The following SEZ6L variants were observed in gnomAD, a reference collection of about 807,000 sequenced individuals.
SEZ6L encodes seizure related 6 homolog like.
Under a neutral mutation model 106.2 loss-of-function variants are expected in SEZ6L, and 37 were observed. That is an observed-to-expected ratio of 0.35 (90% CI 0.27 to 0.46). SEZ6L has a LOEUF of 0.46. SEZ6L is among the 20% of genes least tolerant of loss of function. The pLI is 1.00. For missense variants in SEZ6L, 1,172 were observed against 1,332.8 expected (o/e 0.88, Z 1.88); for synonymous variants, 541 against 570.4 (o/e 0.95, Z 0.73).
chr22:26,201,656 A>C (rs563932921), intron 1 of SEZ6L, among the ~76,000 whole-genome samples: 1 of 152,288 alleles, frequency 6.6e-6, no homozygotes, highest in Admixed American at 6.5e-5. Flanking sequence ...ATGACTACTT[A>C]TATTTAAAGC....
intron 1 of SEZ6L, among the ~76,000 whole-genome samples, chr22:26,288,191 A>C (rs1210340484): frequency 6.6e-6 from 1 of 152,204 alleles, no homozygotes; most frequent in African/African-American, 2.4e-5. Flanking sequence ...ACAAACCCAC[A>C]CTTTGTTTTC....
At chr22:26,315,169 CT>C (rs2081962159) in intron 9 of SEZ6L, among the ~76,000 whole-genome samples, 1 of 152,198 alleles carries the variant, frequency 6.6e-6, no homozygotes, top group Admixed American at 6.5e-5. Context: ...GCTTTTGAGG[CT>C]GTTCCTTAGA....
At chr22:26,288,548 G>T (rs116185203) in intron 1 of SEZ6L, among the ~76,000 whole-genome samples, 2,217 of 152,274 alleles carry the variant, frequency 0.015, 64 homozygotes, top group African/African-American at 0.051. Flanking sequence ...GATCTTTGGG[G>T]TCATAAAAAC....
rs971381336 is a variant in SEZ6L at position 26,381,949 on chromosome 22, G to A, written c.*1654G>A. 3.9e-5 allele frequency: 20 copies of A among 507,792 alleles called. No homozygotes were observed. Among genetic ancestry groups the A allele is most frequent in the African/African-American group, 3.7e-4 (19 of 51,388 alleles). The allele number at this position is 507,792 out of a possible 1,614,324, so 31.5% of individuals were successfully genotyped here. On this transcript the variant is annotated 3_prime_UTR_variant, in exon 17 of 17. Coordinates refer to ENST00000248933, the MANE Select transcript of SEZ6L (RefSeq NM_021115.5). ...ATAGGGAGAATAGCAGGGAGTCTAT[G>A]TTTTGGTGGTTACATTGGAAACATC...
At position 26,256,125 on chromosome 22, in the gene SEZ6L, A is replaced by T. The variant is rs148457921; in HGVS notation, c.95-36281A>T. Among the ~76,000 whole-genome samples, 5 of 152,340 alleles carry T rather than the reference A, an allele frequency of 3.3e-5. No homozygotes were observed. In the East Asian group the frequency reaches 9.7e-4, roughly 29 times the overall value. ...CAAAAGGAGAAATAAATAAGCAAAG[A>T]TAAAAATGGGAAGGAGCATGAGCAA... On this transcript the variant is annotated intron_variant, in intron 1 of 16. Coordinates refer to ENST00000248933, the MANE Select transcript of SEZ6L (RefSeq NM_021115.5).
intron 1 of SEZ6L, among the ~76,000 whole-genome samples, chr22:26,218,871 G>T (rs2078374039): frequency 6.6e-6 from 1 of 152,118 alleles, no homozygotes; most frequent in Non-Finnish European, 1.5e-5. Flanking sequence ...CCAGGAGGTG[G>T]AGGTTGCAGT....
Position 26,169,501 on chromosome 22 carries a change from C to T in SEZ6L, c.-169C>T, listed in dbSNP as rs1938414371. Reference sequence around the variant, plus strand: ...GCCCGGCGCAGCTCGGCCAGAGCGACCGCGGGGCTGAGCGCGCGTCCGCCC... The same window carrying T: ...GCCCGGCGCAGCTCGGCCAGAGCGATCGCGGGGCTGAGCGCGCGTCCGCCC... On this transcript the variant is annotated 5_prime_UTR_variant, in exon 1 of 17. Coordinates refer to ENST00000248933, the MANE Select transcript of SEZ6L (RefSeq NM_021115.5). 5.6e-6 allele frequency: 2 copies of T among 356,090 alleles called. No individual in the cohort carries two copies. The highest frequency in any genetic ancestry group is 1.0e-5 in the Non-Finnish European group (2 of 199,370). 22.1% of individuals were successfully genotyped at this position (356,090 alleles called of 1,614,324 possible).
intron 12 of SEZ6L, among the ~76,000 whole-genome samples, chr22:26,355,482 C>G (rs2083410843): frequency 6.6e-6 from 1 of 152,198 alleles, no homozygotes; most frequent in Admixed American, 6.5e-5. Flanking sequence ...AATCCCAACA[C>G]TTGTGGGAGG....
chr22:26,197,962 C>G (rs1940686331), intron 1 of SEZ6L, among the ~76,000 whole-genome samples: 3 of 152,222 alleles, frequency 2.0e-5, no homozygotes, highest in South Asian at 4.1e-4. Context: ...GGTCGTCTCT[C>G]TCTGTGGATT....
chr22:26,221,180 G>A (rs1425678384), intron 1 of SEZ6L, among the ~76,000 whole-genome samples: 3 of 151,972 alleles, frequency 2.0e-5, no homozygotes, highest in African/African-American at 7.3e-5. Flanking sequence ...TTACCCCCTG[G>A]CCTTATTCAC....
intron 1 of SEZ6L, among the ~76,000 whole-genome samples, chr22:26,227,464 G>A (rs1243191344): frequency 6.6e-6 from 1 of 152,214 alleles, no homozygotes; most frequent in Admixed American, 6.5e-5. Context: ...CTGGAGGGCA[G>A]TGGTGTGATC....
chr22:26,291,832 C>T lies in SEZ6L; in HGVS notation c.95-574C>T, dbSNP rs182260077. ...ACAAGCTTTTCTCTTTCCAAGCATT[C>T]ATCATATCAAATATGATTGTGTCTA... On this transcript the variant is annotated intron_variant, in intron 1 of 16. Transcript: ENST00000248933. Among the ~76,000 whole-genome samples, 27 of 152,314 alleles carry T rather than the reference C, an allele frequency of 1.8e-4. 1 individual carries two copies. Among genetic ancestry groups the T allele is most frequent in the African/African-American group, 6.5e-4 (27 of 41,566 alleles).
At chr22:26,240,251 T>A (rs1332835157) in intron 1 of SEZ6L, among the ~76,000 whole-genome samples, 2 of 152,068 alleles carry the variant, frequency 1.3e-5, no homozygotes, top group East Asian at 3.9e-4. Context: ...TGACTTTTTT[T>A]CAAAGGCTCA....
intron 1 of SEZ6L, among the ~76,000 whole-genome samples, chr22:26,206,151 A>T (rs1282572540): frequency 6.6e-6 from 1 of 152,252 alleles, no homozygotes; most frequent in Non-Finnish European, 1.5e-5. Context: ...CACTCTAGGC[A>T]ATGCTTCACT....
chr22:26,307,963 A>C (rs1264887890), intron 6 of SEZ6L, among the ~76,000 whole-genome samples: 1 of 152,210 alleles, frequency 6.6e-6, no homozygotes, highest in Non-Finnish European at 1.5e-5. Context: ...ATGAGCTGAC[A>C]CTTACCAGGA....
At chr22:26,199,032 C>T (rs1235538824) in intron 1 of SEZ6L, among the ~76,000 whole-genome samples, 1 of 152,170 alleles carries the variant, frequency 6.6e-6, no homozygotes, top group Non-Finnish European at 1.5e-5. Context: ...ATGACACATA[C>T]AGCTTACTAA....
intron 1 of SEZ6L, among the ~76,000 whole-genome samples, chr22:26,185,535 C>T (rs1939712768): frequency 1.3e-5 from 2 of 152,142 alleles, no homozygotes; most frequent in South Asian, 4.1e-4. Flanking sequence ...CAGCTATACC[C>T]CTGCCTACTG....
intron 16 of SEZ6L, among the ~76,000 whole-genome samples, chr22:26,378,724 T>C (rs1040735104): frequency 6.6e-6 from 1 of 152,114 alleles, no homozygotes; most frequent in Non-Finnish European, 1.5e-5. Context: ...CCAGGGCACA[T>C]GCGAGGAAGC....
At chr22:26,232,937 G>A (rs962226297) in intron 1 of SEZ6L, among the ~76,000 whole-genome samples, 3 of 152,186 alleles carry the variant, frequency 2.0e-5, no homozygotes, top group Non-Finnish European at 2.9e-5. Context: ...TAGCCCAGGG[G>A]TTTTAGAATC....
Sources: gnomAD v4.1 joint callset for allele counts (sites outside exome capture counted in the v4.1 genomes callset) on GRCh38, gnomAD v4.1.1 for gene constraint, MANE v1.5 for transcripts, NCBI Gene and HGNC (gene_info 2026-07-23, HGNC 2026-07-21) for gene names.